Variants in MSRA observed in about 807,000 individuals in gnomAD.
MSRA encodes the protein methionine sulfoxide reductase A.
Under a neutral mutation model 31.3 loss-of-function variants are expected in MSRA, and 54 were observed. The ratio of observed to expected loss-of-function variants is 1.73; its 90% confidence interval spans 1.39 to 2.17. MSRA has a LOEUF of 2.17. Among genes scored for constraint, MSRA ranks in the 30% most tolerant of loss-of-function variants. The pLI is 0.00. For synonymous variants in MSRA, 169 were observed against 116.5 expected (o/e 1.45, Z -2.90); for missense variants, 507 against 300.9 (o/e 1.69, Z -5.07).
intron 4 of MSRA, 44 bp downstream of exon 4, chr8:10,301,682 C>T (rs1800857925): frequency 6.8e-7 from 1 of 1,461,924 alleles, no homozygotes; most frequent in Non-Finnish European, 9.6e-7. Context: ...TTACTAATTA[C>T]AGCTGGGATA....
In MSRA at chr8:10,368,898, G is replaced by T. The variant is rs560965146; in HGVS notation, c.543+48909G>T. ...GCTAATCTAACAGCCAGAAAACCAA[G>T]CAAAGGCTTCTCCCCTACTGATCTC... On this transcript the variant is annotated intron_variant, in intron 5 of 5. Transcript: ENST00000317173. Among the ~76,000 whole-genome samples the T allele has an allele frequency of 3.9e-5, 6 of 152,260 alleles. No individual in the cohort carries two copies. The East Asian group carries it at 1.2e-3, about 29-fold the overall frequency.
At chr8:10,088,385 A>G (rs1008942033) in intron 1 of MSRA, among the ~76,000 whole-genome samples, 6 of 152,226 alleles carry the variant, frequency 3.9e-5, no homozygotes, top group East Asian at 1.9e-4. Context: ...CTGCACTCCA[A>G]TGTATGCTGC....
chr8:10,413,231 AGC>A (rs1808260021), intron 5 of MSRA, among the ~76,000 whole-genome samples: 1 of 152,224 alleles, frequency 6.6e-6, no homozygotes, highest in Admixed American at 6.5e-5. Flanking sequence ...CCTGTGCTCT[AGC>A]GCACACACAG....
chr8:10,232,942 T>C (rs955171584), intron 2 of MSRA, among the ~76,000 whole-genome samples: 2 of 152,208 alleles, frequency 1.3e-5, no homozygotes, highest in African/African-American at 4.8e-5. Flanking sequence ...AGTTTGAATA[T>C]TTTTTTCCTT....
At chr8:10,167,455 G>C (rs1318245326) in intron 1 of MSRA, among the ~76,000 whole-genome samples, 1 of 152,190 alleles carries the variant, frequency 6.6e-6, no homozygotes, top group Non-Finnish European at 1.5e-5. Flanking sequence ...ATAGGGAAAA[G>C]AGTTTGGGGG....
chr8:10,245,506 G>GT (rs1340512318), intron 3 of MSRA, among the ~76,000 whole-genome samples: 1 of 152,248 alleles, frequency 6.6e-6, no homozygotes, highest in Admixed American at 6.5e-5. Flanking sequence ...ATGATCAGCA[G>GT]TTGAGGCTGG....
intron 1 of MSRA, among the ~76,000 whole-genome samples, chr8:10,202,657 G>A (rs900710251): frequency 1.3e-5 from 2 of 152,144 alleles, no homozygotes; most frequent in African/African-American, 4.8e-5. Context: ...TCGTGGAGGG[G>A]AGGTGACTAA....
At chr8:10,378,090 G>A (rs1805854250) in intron 5 of MSRA, among the ~76,000 whole-genome samples, 1 of 152,254 alleles carries the variant, frequency 6.6e-6, no homozygotes, top group Admixed American at 6.5e-5. Flanking sequence ...GAGGAACTCT[G>A]TGGACTCCTG....
Position 10,371,067 on chromosome 8 carries a change from T to C in MSRA, c.543+51078T>C, listed in dbSNP as rs1015174906. 1.5e-4 allele frequency among the ~76,000 whole-genome samples: 23 copies of C among 152,220 alleles called. 1 individual carries two copies. ...ATCCCCTGGAGATGTTTTCAGACCA[T>C]GCTAACCCACTGCACCCCTGCCGCA... On this transcript the variant is annotated intron_variant, in intron 5 of 5. Transcript: ENST00000317173.
At chr8:10,149,508 G>A (rs12677675) in intron 1 of MSRA, among the ~76,000 whole-genome samples, 16 of 152,144 alleles carry the variant, frequency 1.1e-4, no homozygotes, top group African/African-American at 3.1e-4. Context: ...GGAGAAGGTC[G>A]CACCTTATTA....
intron 1 of MSRA, among the ~76,000 whole-genome samples, chr8:10,172,060 C>T (rs1439793656): frequency 6.6e-6 from 1 of 152,188 alleles, no homozygotes; most frequent in East Asian, 1.9e-4. Context: ...TACTCACTCC[C>T]AGATTTCCAT....
At chr8:10,383,938 C>G (rs1201931011) in intron 5 of MSRA, among the ~76,000 whole-genome samples, 1 of 152,142 alleles carries the variant, frequency 6.6e-6, no homozygotes, top group African/African-American at 2.4e-5. Flanking sequence ...TACGCTCATC[C>G]CCACTGCTTT....
intron 2 of MSRA, among the ~76,000 whole-genome samples, chr8:10,244,460 T>C (rs1234148175): frequency 6.6e-6 from 1 of 152,220 alleles, no homozygotes; most frequent in African/African-American, 2.4e-5. Flanking sequence ...TTTGTGAGTT[T>C]GTTTATTGTT....
At chr8:10,259,715 G>C (rs996495129) in intron 3 of MSRA, among the ~76,000 whole-genome samples, 1 of 152,202 alleles carries the variant, frequency 6.6e-6, no homozygotes, top group Non-Finnish European at 1.5e-5. Context: ...GGGAAACAAG[G>C]GAAAGCAGTC....
At chr8:10,365,582 C>A (rs11249993) in intron 5 of MSRA, among the ~76,000 whole-genome samples, 120,842 of 152,158 alleles carry the variant, frequency 0.79, 49,365 homozygotes, top group Non-Finnish European at 0.89. Context: ...CTGATTCTCC[C>A]CCAAAATAGC....
intron 1 of MSRA, among the ~76,000 whole-genome samples, chr8:10,135,619 G>A (rs1802217584): frequency 6.6e-6 from 1 of 152,168 alleles, no homozygotes; most frequent in African/African-American, 2.4e-5. Flanking sequence ...CATATAACAT[G>A]CACACCAGCT....
At chr8:10,069,677 C>T (rs945385458) in intron 1 of MSRA, among the ~76,000 whole-genome samples, 6 of 152,182 alleles carry the variant, frequency 3.9e-5, no homozygotes, top group African/African-American at 7.2e-5. Context: ...GCTTTATTCT[C>T]ATCCATGAGG....
chr8:10,164,963 G>A (rs1362501707), intron 1 of MSRA, among the ~76,000 whole-genome samples: 1 of 152,190 alleles, frequency 6.6e-6, no homozygotes, highest in Non-Finnish European at 1.5e-5. Context: ...GGGAGGTGGA[G>A]GTTGCAGTGA....
intron 3 of MSRA, among the ~76,000 whole-genome samples, chr8:10,254,617 G>A (rs13279294): frequency 0.56 from 85,709 of 152,008 alleles, 25,097 homozygotes; most frequent in Non-Finnish European, 0.64. Context: ...CCCTTACACA[G>A]GTGCCAGGGG....
Sources: allele counts gnomAD v4.1 joint callset (sites outside exome capture counted in the v4.1 genomes callset), GRCh38; gene constraint gnomAD v4.1.1; transcripts MANE v1.5; gene names NCBI Gene and HGNC (gene_info 2026-07-23, HGNC 2026-07-21).